Variants in LPP observed in about 807,000 individuals in gnomAD.
The protein encoded by LPP is LIM domain containing preferred translocation partner in lipoma.
A neutral mutation model predicts 60.4 loss-of-function variants in LPP; 38 were observed. The ratio of observed to expected loss-of-function variants is 0.63; its 90% CI spans 0.49 to 0.83. The LOEUF is 0.83. Among genes scored for constraint, LPP ranks in the 40% least tolerant of loss-of-function variants. The pLI is 0.00. For missense variants in LPP, 902 were observed against 783.6 expected (o/e 1.15, Z -1.80); for synonymous variants, 328 against 290.8 (o/e 1.13, Z -1.30).
chr3:188,299,432 G>A (rs1235287218), intron 2 of LPP, among the ~76,000 whole-genome samples: 1 of 152,108 alleles, frequency 6.6e-6, no homozygotes, highest in Non-Finnish European at 1.5e-5. Context: ...TCAGCATTAC[G>A]TCGTCTTAAG....
At position 188,739,889 on chromosome 3, in the gene LPP, A is replaced by C. The variant is rs77061713; in HGVS notation, c.1241-20224A>C. On this transcript the variant is annotated intron_variant, in intron 8 of 11. Transcript: ENST00000617246. ...CTGAGAATACTGCCATTTTATAATAATCTCTGAAAGTTACTTCCTTGGTCT... is the reference window on the plus strand; with the variant it reads ...CTGAGAATACTGCCATTTTATAATACTCTCTGAAAGTTACTTCCTTGGTCT... Among the ~76,000 whole-genome samples, 1,059 of 152,146 alleles carry C rather than the reference A, an allele frequency of 7.0e-3. 18 individuals are homozygous for C. Among genetic ancestry groups the C allele is most frequent in the African/African-American group, 0.024 (1,007 of 41,534 alleles).
intron 2 of LPP, among the ~76,000 whole-genome samples, chr3:188,229,238 G>A (rs1718951184): frequency 6.6e-6 from 1 of 152,168 alleles, no homozygotes; most frequent in African/African-American, 2.4e-5. Context: ...ACCCATAGAA[G>A]CTACAGTCTA....
intron 2 of LPP, among the ~76,000 whole-genome samples, chr3:188,283,800 A>G (rs1315616446): frequency 1.3e-5 from 2 of 152,090 alleles, no homozygotes; most frequent in East Asian, 1.9e-4. Flanking sequence ...CAACACGGTG[A>G]AAGCCCATCT....
At chr3:188,732,716 CAA>C (rs1167795146) in intron 8 of LPP, among the ~76,000 whole-genome samples, 6,955 of 73,682 alleles carry the variant, frequency 0.094, 84 homozygotes, top group African/African-American at 0.13. Context: ...AGACTCTTAT[CAA>C]AAAAAAAAAA....
Position 188,476,081 on chromosome 3 carries a change from A to T in LPP, c.194-8511A>T, listed in dbSNP as rs113255959. On this transcript the variant is annotated intron_variant, in intron 4 of 11. Transcript: ENST00000617246. ...CTCCCACCACCACCCTAACAGTCCC[A>T]ACCCCCTTACTTGCCCTACATTTCA... Among the ~76,000 whole-genome samples, 790 of 152,100 alleles carry T rather than the reference A, an allele frequency of 5.2e-3. 10 individuals carry two copies. Among genetic ancestry groups the T allele is most frequent in the African/African-American group, 0.018 (741 of 41,460 alleles).
chr3:188,737,296 G>T (rs1722863055), intron 8 of LPP, among the ~76,000 whole-genome samples: 1 of 152,166 alleles, frequency 6.6e-6, no homozygotes, highest in African/African-American at 2.4e-5. Flanking sequence ...GGGCAATGTG[G>T]ATACTAACAC....
chr3:188,843,659 C>T (rs1339290451), intron 9 of LPP, among the ~76,000 whole-genome samples: 3 of 144,784 alleles, frequency 2.1e-5, no homozygotes, highest in African/African-American at 8.6e-5. Flanking sequence ...CAGTGGGGGG[C>T]GCCTGTAGTC....
At chr3:188,407,773 TTTTTTTGTTTGTTTG>T (rs1285660092) in intron 4 of LPP, among the ~76,000 whole-genome samples, 3 of 22,702 alleles carry the variant, frequency 1.3e-4, no homozygotes, top group African/African-American at 2.1e-4. Context: ...TTATGGTTTT[TTTTTTTGTTTGTTTG>T]TTTTTTTTTT....
At chr3:188,768,594 A>C (rs780292134) in intron 9 of LPP, among the ~76,000 whole-genome samples, 1 of 152,166 alleles carries the variant, frequency 6.6e-6, no homozygotes, top group African/African-American at 2.4e-5. Flanking sequence ...TAAAAACAAA[A>C]ACAATGGCAA....
intron 7 of LPP, among the ~76,000 whole-genome samples, chr3:188,613,602 C>G (rs1489905423): frequency 6.6e-6 from 1 of 152,086 alleles, no homozygotes; most frequent in Non-Finnish European, 1.5e-5. Context: ...CTGAAACCAT[C>G]TACTATTAAA....
At chr3:188,821,088 G>T (rs1753831449) in intron 9 of LPP, among the ~76,000 whole-genome samples, 1 of 151,132 alleles carries the variant, frequency 6.6e-6, no homozygotes, top group African/African-American at 2.4e-5. Context: ...TTCTGATACA[G>T]TTCTCTCTTC....
chr3:188,703,917 T>C (rs1297112838), intron 7 of LPP, among the ~76,000 whole-genome samples: 1 of 152,194 alleles, frequency 6.6e-6, no homozygotes, highest in Non-Finnish European at 1.5e-5. Flanking sequence ...CTTGTCTATA[T>C]TGAAAGGGAA....
At chr3:188,308,499 A>T (rs1437879924) in intron 2 of LPP, among the ~76,000 whole-genome samples, 2 of 152,340 alleles carry the variant, frequency 1.3e-5, no homozygotes, top group East Asian at 3.9e-4. Flanking sequence ...CCATCTGAAA[A>T]TTGATGGATC....
At chr3:188,324,768 C>A (rs938959108) in intron 2 of LPP, among the ~76,000 whole-genome samples, 7 of 152,094 alleles carry the variant, frequency 4.6e-5, no homozygotes, top group Admixed American at 2.6e-4. Flanking sequence ...CATATCACAC[C>A]CCTCCCCTTA....
At chr3:188,290,134 G>A (rs561379346) in intron 2 of LPP, among the ~76,000 whole-genome samples, 3 of 151,964 alleles carry the variant, frequency 2.0e-5, no homozygotes, top group Non-Finnish European at 4.4e-5. Context: ...CACCATGCCC[G>A]ACTAATTTAT....
At chr3:188,538,980 C>T (rs1246694067) in intron 6 of LPP, among the ~76,000 whole-genome samples, 1 of 152,026 alleles carries the variant, frequency 6.6e-6, no homozygotes, top group Non-Finnish European at 1.5e-5. Context: ...ATCCAGAGAC[C>T]CAGAAAGATG....
intron 2 of LPP, among the ~76,000 whole-genome samples, chr3:188,321,057 C>T (rs1014245410): frequency 1.3e-5 from 2 of 152,214 alleles, no homozygotes; most frequent in Non-Finnish European, 2.9e-5. Flanking sequence ...ATCACAGTGT[C>T]CTGCAGTCTC....
At chr3:188,194,180 G>T (rs1048263131) in intron 1 of LPP, among the ~76,000 whole-genome samples, 1 of 152,222 alleles carries the variant, frequency 6.6e-6, no homozygotes, top group African/African-American at 2.4e-5. Context: ...TTTATGAAGT[G>T]TATTGATGGT....
rs1769952780 is a variant in LPP, at chr3:188,881,139, C to CAAAAAAAACAAAAAAAAAAA, written c.*6668_*6669insCAAAAAAAAAAAAAAAAAAA. 2.8e-5 allele frequency: 2 copies of CAAAAAAAACAAAAAAAAAAA among 72,388 alleles called. No individual in the cohort carries two copies. Among genetic ancestry groups the CAAAAAAAACAAAAAAAAAAA allele is most frequent in the Non-Finnish European group, 6.1e-5 (2 of 32,568 alleles). The allele number at this position is 72,388 out of a possible 1,614,324, so 4.5% of individuals were successfully genotyped here. On this transcript the variant is annotated 3_prime_UTR_variant, in exon 12 of 12. Transcript: ENST00000617246. ...TGGGCGAAAGAGCGAGACTCCGTCT[C>CAAAAAAAACAAAAAAAAAAA]AAAAAAAAAAAAAAAAAAATAGGAT...
Sources: gnomAD v4.1 joint callset for allele counts (sites outside exome capture counted in the v4.1 genomes callset) on GRCh38, gnomAD v4.1.1 for gene constraint, MANE v1.5 for transcripts, NCBI Gene and HGNC (gene_info 2026-07-23, HGNC 2026-07-21) for gene names.